The following ARHGAP8 variants were observed in gnomAD, a reference collection of about 807,000 sequenced individuals.
ARHGAP8 encodes the protein rho GTPase-activating protein 8.
ARHGAP8 carries 62 observed loss-of-function variants against 46.1 expected under a neutral mutation model. The observed-to-expected ratio is 1.34, with a 90% CI of 1.10 to 1.66. ARHGAP8 has a LOEUF of 1.66. Ranked by LOEUF, ARHGAP8 falls within the 40% of genes most tolerant of loss-of-function variation. The pLI is 0.00. For missense variants in ARHGAP8, 923 were observed against 568.4 expected (o/e 1.62, Z -6.34); for synonymous variants, 375 against 243.1 (o/e 1.54, Z -5.05).
intron 2 of ARHGAP8, among the ~76,000 whole-genome samples, chr22:44,794,021 G>A (rs1467250164): frequency 6.6e-6 from 1 of 152,214 alleles, no homozygotes; most frequent in Non-Finnish European, 1.5e-5. Flanking sequence ...CGGGGCATGC[G>A]CAGGGCAGAG....
intron 1 of ARHGAP8, among the ~76,000 whole-genome samples, chr22:44,759,914 C>T (rs1358540738): frequency 2.0e-5 from 3 of 152,210 alleles, no homozygotes; most frequent in African/African-American, 4.8e-5. Flanking sequence ...GGTGCCCTTG[C>T]GCAGGGCAGC....
At chr22:44,843,343 T>C (rs577389624) in intron 7 of ARHGAP8, among the ~76,000 whole-genome samples, 68 of 152,206 alleles carry the variant, frequency 4.5e-4, no homozygotes, top group Middle Eastern at 3.4e-3. Flanking sequence ...AACAAAGAAA[T>C]AGAATGCCAA....
chr22:44,844,220 T>G (rs1447851942), intron 7 of ARHGAP8, among the ~76,000 whole-genome samples: 1 of 152,080 alleles, frequency 6.6e-6, no homozygotes, highest in Non-Finnish European at 1.5e-5. Flanking sequence ...TCTGTCCACT[T>G]TGGCCTCCCA....
intron 4 of ARHGAP8, chr22:44,808,809 CAAA>C (rs139346657): frequency 3.4e-5 from 11 of 322,360 alleles, no homozygotes; most frequent in East Asian, 8.4e-5. Flanking sequence ...AGTAAAAATA[CAAA>C]AAAAAAAAAA....
At chr22:44,790,216 T>C (rs1927557239) in intron 2 of ARHGAP8, among the ~76,000 whole-genome samples, 4 of 152,046 alleles carry the variant, frequency 2.6e-5, no homozygotes. Flanking sequence ...AATAGAGGTT[T>C]GAGTTAATGT....
chr22:44,859,312 G>C (rs1241586424), intron 10 of ARHGAP8, among the ~76,000 whole-genome samples: 2 of 151,948 alleles, frequency 1.3e-5, no homozygotes, highest in Non-Finnish European at 2.9e-5. Flanking sequence ...CCTCGAGATA[G>C]TGAGTTCTTA....
chr22:44,782,416 G>A (rs1926908844), intron 1 of ARHGAP8, among the ~76,000 whole-genome samples: 1 of 152,174 alleles, frequency 6.6e-6, no homozygotes, highest in African/African-American at 2.4e-5. Context: ...CACTCACAGT[G>A]CTGTGTACCC....
At chr22:44,770,090 A>G (rs1490816412) in intron 1 of ARHGAP8, among the ~76,000 whole-genome samples, 1 of 152,046 alleles carries the variant, frequency 6.6e-6, no homozygotes, top group African/African-American at 2.4e-5. Flanking sequence ...CTAAAAACAC[A>G]AAAATTAGCC....
intron 10 of ARHGAP8, among the ~76,000 whole-genome samples, chr22:44,854,653 T>C (rs1234694961): frequency 2.0e-5 from 3 of 152,210 alleles, no homozygotes; most frequent in Non-Finnish European, 4.4e-5. Flanking sequence ...TTTGTTTTTG[T>C]GTTGAGATGG....
At chr22:44,838,072 C>G (rs1931404919) in intron 7 of ARHGAP8, among the ~76,000 whole-genome samples, 1 of 152,098 alleles carries the variant, frequency 6.6e-6, no homozygotes, top group Non-Finnish European at 1.5e-5. Context: ...CTCCCGGGTT[C>G]AAATGATTCT....
At chr22:44,859,870 A>G in intron 11 of ARHGAP8, 36 bp downstream of exon 11, 8 of 1,605,666 alleles carry the variant, frequency 5.0e-6, no homozygotes, top group Non-Finnish European at 6.8e-6. Flanking sequence ...GGTGAAGCCC[A>G]GTGGCCTTCC....
intron 1 of ARHGAP8, among the ~76,000 whole-genome samples, chr22:44,775,325 G>C (rs564693081): frequency 6.6e-6 from 1 of 152,342 alleles, no homozygotes; most frequent in East Asian, 1.9e-4. Flanking sequence ...TCAGCCTCTG[G>C]TGGACTTGGC....
chr22:44,829,304 A>G lies in ARHGAP8; in HGVS notation c.596+3711A>G, dbSNP rs560477844. Among the ~76,000 whole-genome samples the G allele has an allele frequency of 3.3e-5, 5 of 151,808 alleles. No homozygotes were observed. In the South Asian group the frequency reaches 1.0e-3, roughly 32 times the overall value. ...AGACTCCCTCTCAAAAAAGAAAAAA[A>G]AAAAAGAAAAAGAAAAAACAAGCAT... On this transcript the variant is annotated intron_variant, in intron 7 of 11. Transcript: ENST00000356099.
intron 11 of ARHGAP8, among the ~76,000 whole-genome samples, chr22:44,860,832 T>A (rs1034585404): frequency 5.9e-5 from 9 of 152,120 alleles, no homozygotes; most frequent in Non-Finnish European, 1.2e-4. Context: ...TTTAACCCCC[T>A]CCATCTCTCC....
chr22:44,857,324 C>G (rs1483441377), intron 10 of ARHGAP8, among the ~76,000 whole-genome samples: 5 of 152,158 alleles, frequency 3.3e-5, no homozygotes, highest in African/African-American at 9.7e-5. Flanking sequence ...GGTGTTCCAG[C>G]CAAGGGTACC....
chr22:44,818,928 G>A (rs954536455), intron 5 of ARHGAP8, among the ~76,000 whole-genome samples: 3 of 152,034 alleles, frequency 2.0e-5, no homozygotes, highest in Non-Finnish European at 4.4e-5. Context: ...GGAACTCCTG[G>A]CCTCAAGTGA....
intron 6 of ARHGAP8, 95 bp from the exon 7 acceptor site, chr22:44,825,388 G>T (rs1930435163): frequency 1.5e-6 from 2 of 1,341,894 alleles, no homozygotes; most frequent in Admixed American, 2.4e-5. Flanking sequence ...AGATGCCCAG[G>T]TGTCCTGCAG....
At chr22:44,852,123 C>T (rs1462412798) in intron 10 of ARHGAP8, among the ~76,000 whole-genome samples, 1 of 134,074 alleles carries the variant, frequency 7.5e-6, no homozygotes, top group Non-Finnish European at 1.5e-5. Flanking sequence ...ACCCAGGAGG[C>T]AGAGGTTGTA....
intron 1 of ARHGAP8, chr22:44,786,212 A>T: frequency 1.7e-6 from 1 of 574,766 alleles, no homozygotes. Flanking sequence ...TGGGTGCTCG[A>T]CTGATGTAGA....
Sources: allele counts gnomAD v4.1 joint callset (sites outside exome capture counted in the v4.1 genomes callset), GRCh38; gene constraint gnomAD v4.1.1; transcripts MANE v1.5; gene names NCBI Gene and HGNC (gene_info 2026-07-23, HGNC 2026-07-21).